Variants in CFAP54 observed in about 807,000 individuals in gnomAD.
CFAP54 encodes the protein cilia- and flagella-associated protein 54.
A neutral mutation model predicts 370.4 loss-of-function variants in CFAP54; 290 were observed. The ratio of observed to expected loss-of-function variants is 0.78; its 90% CI spans 0.71 to 0.86. The LOEUF is 0.86. Ranked by LOEUF, CFAP54 falls within the 40% of genes least tolerant of loss-of-function variation. CFAP54 has a pLI of 0.00. For synonymous variants in CFAP54, 1,206 were observed against 1,236.5 expected (o/e 0.98, Z 0.52); for missense variants, 3,399 against 3,528.7 (o/e 0.96, Z 0.93).
intron 66 of CFAP54, among the ~76,000 whole-genome samples, chr12:96,849,298 C>A (rs893020642): frequency 1.3e-5 from 2 of 152,018 alleles, no homozygotes; most frequent in African/African-American, 2.4e-5. Flanking sequence ...TGAAAGGAGG[C>A]AAAGTTAAAT....
At chr12:96,578,022 A>G (rs967466670) in intron 20 of CFAP54, among the ~76,000 whole-genome samples, 1 of 152,176 alleles carries the variant, frequency 6.6e-6, no homozygotes, top group Non-Finnish European at 1.5e-5. Context: ...AGATCACGCC[A>G]TGACATTCCA....
chr12:96,507,098 T>C lies in CFAP54; in HGVS notation c.738T>C (p.Asn246=), dbSNP rs1272158414. The stretch of plus-strand genomic sequence containing the variant: ...AGCATCTTTGCTGGATTATCTTCAA[T>C]GGTATATGCTGATGTATTTTATTTT... ...PQEHLCWIIF[N]GTIYIYTICR... Residue 246 remains asparagine (N), a splice_region_variant and synonymous_variant, in exon 4 of 68, where the codon AAT becomes AAC. Coordinates refer to ENST00000524981, the MANE Select transcript of CFAP54 (RefSeq NM_001306084.2). The C allele has an allele frequency of 6.6e-7, 1 of 1,512,028 alleles. No individual in the cohort carries two copies. The highest frequency in any genetic ancestry group is 8.8e-7 in the Non-Finnish European group (1 of 1,138,746). 93.7% of individuals were successfully genotyped at this position (1,512,028 alleles called of 1,614,324 possible). A position where few individuals can be genotyped will look rare whatever the true frequency, so the allele number is the denominator to read the frequency against.
At position 96,507,021 on chromosome 12, in the gene CFAP54, C is replaced by T. The variant is rs764799962; in HGVS notation, c.661C>T (p.Leu221=). Residue 221 remains leucine, a synonymous_variant, in exon 4 of 68, where the codon CTG becomes TTG. Transcript: ENST00000524981. The part of the protein sequence containing the change: ...LKNKESVVQC[L]HILSSLRLIM... Reference sequence around the variant, plus strand: ...GAATAAAGAATCTGTGGTCCAGTGTCTGCATATCTTGTCCTCCTTAAGGCT... The same window carrying T: ...GAATAAAGAATCTGTGGTCCAGTGTTTGCATATCTTGTCCTCCTTAAGGCT... 1.8e-5 allele frequency: 27 copies of T among 1,536,084 alleles called. No homozygotes were observed. Among genetic ancestry groups the T allele is most frequent in the Non-Finnish European group, 1.5e-5 (17 of 1,146,786 alleles).
chr12:96,706,995 A>G (rs933235246), intron 47 of CFAP54, among the ~76,000 whole-genome samples: 4 of 152,198 alleles, frequency 2.6e-5, no homozygotes, highest in African/African-American at 9.6e-5. Context: ...AATTAAAACC[A>G]TGAGCCTGAT....
At chr12:96,731,315 A>G (rs752970774) in intron 50 of CFAP54, among the ~76,000 whole-genome samples, 7 of 152,234 alleles carry the variant, frequency 4.6e-5, no homozygotes, top group Non-Finnish European at 7.3e-5. Context: ...GGAATATTAT[A>G]TGGGAAATAT....
intron 44 of CFAP54, among the ~76,000 whole-genome samples, chr12:96,693,480 T>C (rs1957409916): frequency 6.6e-6 from 1 of 152,186 alleles, no homozygotes; most frequent in Admixed American, 6.5e-5. Context: ...AACCTAGGTT[T>C]GGGGTACCAA....
At chr12:96,774,076 A>C (rs1958490772) in intron 60 of CFAP54, among the ~76,000 whole-genome samples, 1 of 152,168 alleles carries the variant, frequency 6.6e-6, no homozygotes. Flanking sequence ...GTTCAAATTT[A>C]ATTTGCACAT....
At position 96,826,696 on chromosome 12, in the gene CFAP54, A is replaced by G. The variant is rs192357838; in HGVS notation, c.9097-2318A>G. Among the ~76,000 whole-genome samples the G allele has an allele frequency of 9.9e-3, 1,093 of 110,562 alleles. 20 individuals carry two copies. The highest frequency in any genetic ancestry group is 0.039 in the African/African-American group (1,031 of 26,704). 72.5% of individuals were successfully genotyped at this position (110,562 alleles called of 152,430 possible). A position where few individuals can be genotyped will look rare whatever the true frequency, so the allele number is the denominator to read the frequency against. On this transcript the variant is annotated intron_variant, in intron 65 of 67. Coordinates refer to ENST00000524981, the MANE Select transcript of CFAP54 (RefSeq NM_001306084.2). ...TATAATATATAATATATTACATATT[A>G]TAATATATAAATTAATATACAACAG...
chr12:96,638,211 G>A (rs1196863186), intron 32 of CFAP54, among the ~76,000 whole-genome samples: 7 of 84,106 alleles, frequency 8.3e-5, no homozygotes, highest in East Asian at 8.1e-4. Context: ...ATGCATGTGT[G>A]TGTGTGTGTG....
intron 40 of CFAP54, chr12:96,682,039 T>C (rs1212775824): frequency 6.0e-6 from 3 of 503,794 alleles, no homozygotes; most frequent in Non-Finnish European, 5.1e-6. Context: ...ATATACAAAA[T>C]ATTTCCTTTC....
chr12:96,666,695 T>C (rs1957085406), intron 39 of CFAP54, among the ~76,000 whole-genome samples: 1 of 152,164 alleles, frequency 6.6e-6, no homozygotes, highest in Non-Finnish European at 1.5e-5. Context: ...CCACCACATG[T>C]GGGGATTATG....
intron 65 of CFAP54, among the ~76,000 whole-genome samples, chr12:96,825,602 CA>C (rs1409798167): frequency 8.5e-6 from 1 of 117,432 alleles, no homozygotes; most frequent in Non-Finnish European, 1.6e-5. Flanking sequence ...ATATTATTTA[CA>C]TATTATATAT....
At chr12:96,698,777 G>C (rs1175714826) in intron 45 of CFAP54, among the ~76,000 whole-genome samples, 1 of 152,088 alleles carries the variant, frequency 6.6e-6, no homozygotes, top group East Asian at 1.9e-4. Context: ...TCAGGTTCTT[G>C]GCGTTTTGAA....
At chr12:96,825,882 TATATATTCATATATAACTATATAACAGA>T (rs1401350717) in intron 65 of CFAP54, among the ~76,000 whole-genome samples, 3 of 138,454 alleles carry the variant, frequency 2.2e-5, no homozygotes, top group African/African-American at 7.9e-5. Context: ...AATATATCAA[TATATATTCATATATAACTATATAACAGA>T]ATATATTCAT....
At chr12:96,682,088 C>T in intron 40 of CFAP54, 2 of 871,710 alleles carry the variant, frequency 2.3e-6, no homozygotes, top group Non-Finnish European at 2.8e-6. Context: ...CTCCCAACTT[C>T]CCTTCTTTCT....
chr12:96,728,310 A>G (rs1234197550), intron 50 of CFAP54, among the ~76,000 whole-genome samples: 4 of 152,148 alleles, frequency 2.6e-5, no homozygotes. Flanking sequence ...ACTTTCAGGT[A>G]CACCAATCAG....
chr12:96,822,462 A>G (rs1959044467), intron 65 of CFAP54, among the ~76,000 whole-genome samples: 1 of 152,228 alleles, frequency 6.6e-6, no homozygotes, highest in Non-Finnish European at 1.5e-5. Context: ...ACAATTGGAA[A>G]TTAGCATCAA....
chr12:96,873,515 C>T (rs551541844), intron 67 of CFAP54, among the ~76,000 whole-genome samples: 1 of 152,304 alleles, frequency 6.6e-6, no homozygotes, highest in South Asian at 2.1e-4. Flanking sequence ...CAGTCCCCTT[C>T]CTTGTGACAT....
intron 22 of CFAP54, among the ~76,000 whole-genome samples, chr12:96,584,776 G>A (rs1398339192): frequency 6.6e-6 from 1 of 152,308 alleles, no homozygotes; most frequent in East Asian, 1.9e-4. Context: ...CCCTGGGAAT[G>A]CAGCAGAGTC....
Sources: gnomAD v4.1 joint callset for allele counts (sites outside exome capture counted in the v4.1 genomes callset) on GRCh38, gnomAD v4.1.1 for gene constraint, MANE v1.5 for transcripts, NCBI Gene and HGNC (gene_info 2026-07-23, HGNC 2026-07-21) for gene names.